PPP2R5C: variants seen among roughly 807,000 people sequenced by gnomAD.
PPP2R5C encodes the protein serine/threonine-protein phosphatase 2A 56 kDa regulatory subunit gamma isoform.
A neutral mutation model predicts 68.9 loss-of-function variants in PPP2R5C; 7 were observed. That is an observed-to-expected ratio of 0.10 (90% confidence interval 0.06 to 0.19). The LOEUF is 0.19. PPP2R5C is among the 10% of genes least tolerant of loss of function. The pLI, the probability that PPP2R5C is intolerant of heterozygous loss-of-function variation, is 1.00. For missense variants in PPP2R5C, 348 were observed against 641.3 expected (o/e 0.54, Z 4.94); for synonymous variants, 210 against 222.2 (o/e 0.95, Z 0.49).
intron 1 of PPP2R5C, among the ~76,000 whole-genome samples, chr14:101,850,964 C>T (rs771655399): frequency 3.8e-4 from 58 of 152,176 alleles, no homozygotes; most frequent in Non-Finnish European, 7.4e-4. Context: ...TGTTCCTACT[C>T]GTTTTGTACT....
intron 2 of PPP2R5C, chr14:101,765,377 T>TAATGA: frequency 1.6e-6 from 1 of 640,894 alleles, no homozygotes; most frequent in Non-Finnish European, 2.8e-6. Context: ...ATTGTTTTTT[T>TAATGA]TCCCCTCAGT....
chr14:101,895,768 TATTTGGATAC>T (rs1477888369), intron 8 of PPP2R5C, among the ~76,000 whole-genome samples: 1 of 152,240 alleles, frequency 6.6e-6, no homozygotes, highest in East Asian at 1.9e-4. Context: ...ATAATGCTGC[TATTTGGATAC>T]TGGTGTACAA....
intron 1 of PPP2R5C, chr14:101,819,313 G>A (rs2039906737): frequency 4.4e-6 from 2 of 455,662 alleles, no homozygotes; most frequent in South Asian, 7.2e-5. Flanking sequence ...TCACAGAGCT[G>A]CTTTCCAGGG....
chr14:101,798,010 C>T (rs1419393270), intron 3 of PPP2R5C, among the ~76,000 whole-genome samples: 1 of 152,054 alleles, frequency 6.6e-6, no homozygotes, highest in African/African-American at 2.4e-5. Flanking sequence ...TCCCTGGCAG[C>T]CTTTGAACAT....
chr14:101,765,400 G>C (rs1017672060), intron 2 of PPP2R5C: 1 of 619,206 alleles, frequency 1.6e-6, no homozygotes, highest in African/African-American at 1.8e-5. Flanking sequence ...TCAGCTCACT[G>C]CTTCACTTCT....
At chr14:101,843,778 T>G (rs530163184) in intron 1 of PPP2R5C, 1 of 226,914 alleles carries the variant, frequency 4.4e-6, no homozygotes, top group East Asian at 1.1e-4. Context: ...GGAACCTTGC[T>G]GCCACCTCCA....
In PPP2R5C at chr14:101,768,410, G is replaced by A. The variant is rs926036459; in HGVS notation, c.93+5440G>A. On this transcript the variant is annotated intron_variant, in intron 2 of 14. Transcript: ENST00000328724. ...ATTTAGTGAGTTATATCTATCTACC[G>A]ATATTTTTCCTTAGAAATTAAAGCT... 7.9e-5 allele frequency among the ~76,000 whole-genome samples: 12 copies of A among 151,970 alleles called. 1 individual carries two copies. Among genetic ancestry groups the A allele is most frequent in the Middle Eastern group, 3.2e-3 (1 of 316 alleles).
rs1047935934 is a variant in PPP2R5C at position 101,797,533 on chromosome 14, C to T, written c.259+11350C>T. On this transcript the variant is annotated intron_variant, in intron 3 of 14. Transcript: ENST00000328724. This position sits in a 1 kb window ranked among gnomAD's most constrained non-coding sequence, Gnocchi z 4.2. ...CCGAGATGGTTGTGGTGTCACCTCT[C>T]GTGGGGTGGCCAAAACCCCAGCCAG... 3 of 293,288 alleles carry T rather than the reference C, an allele frequency of 1.0e-5. No individual in the cohort carries two copies. Among genetic ancestry groups the T allele is most frequent in the South Asian group, 2.9e-5 (1 of 35,038 alleles). 18.2% of individuals were successfully genotyped at this position (293,288 alleles called of 1,614,324 possible). A position where few individuals can be genotyped will look rare whatever the true frequency, so the allele number is the denominator to read the frequency against.
intron 2 of PPP2R5C, among the ~76,000 whole-genome samples, chr14:101,767,759 G>C (rs2036933044): frequency 6.6e-6 from 1 of 152,184 alleles, no homozygotes; most frequent in Non-Finnish European, 1.5e-5. Flanking sequence ...GAGCCCAGGG[G>C]CATCAGAAAG....
upstream of PPP2R5C, among the ~76,000 whole-genome samples, chr14:101,809,552 C>CTTT (rs5811049): frequency 2.3e-4 from 21 of 92,914 alleles, no homozygotes; most frequent in African/African-American, 3.5e-4. Flanking sequence ...TATACACACA[C>CTTT]TTTTTTTTTT....
exon 14 of PPP2R5C, chr14:101,927,362 T>C (rs1314373990): frequency 6.6e-6 from 1 of 152,662 alleles, no homozygotes; most frequent in African/African-American, 2.4e-5. Flanking sequence ...GCAAGAGTAT[T>C]ACTTAATATT....
intron 10 of PPP2R5C, among the ~76,000 whole-genome samples, chr14:101,908,805 T>C (rs1172645996): frequency 6.6e-6 from 1 of 152,036 alleles, no homozygotes; most frequent in African/African-American, 2.4e-5. Context: ...TCCCCGCCCA[T>C]TGCAAAGAAA....
At chr14:101,881,302 A>G (rs1160776180) in intron 2 of PPP2R5C, among the ~76,000 whole-genome samples, 1 of 152,128 alleles carries the variant, frequency 6.6e-6, no homozygotes, top group Non-Finnish European at 1.5e-5. Flanking sequence ...CGGGAGGCTG[A>G]GGCACAAGAA....
intron 1 of PPP2R5C, among the ~76,000 whole-genome samples, chr14:101,837,816 T>TCA (rs1263719045): frequency 2.0e-5 from 3 of 152,350 alleles, no homozygotes; most frequent in Non-Finnish European, 4.4e-5. Flanking sequence ...CACTCACTCC[T>TCA]CACAGTCCCT....
At chr14:101,838,002 A>T (rs1274835801) in intron 1 of PPP2R5C, among the ~76,000 whole-genome samples, 2 of 152,238 alleles carry the variant, frequency 1.3e-5, no homozygotes, top group African/African-American at 4.8e-5. Context: ...AAATTAATGA[A>T]AAAATGAGAT....
chr14:101,763,866 T>G (rs943173289), intron 2 of PPP2R5C, among the ~76,000 whole-genome samples: 12 of 152,220 alleles, frequency 7.9e-5, no homozygotes, highest in Non-Finnish European at 1.6e-4. Flanking sequence ...CATCACCTTG[T>G]TTTCCTTCAA....
chr14:101,880,362 C>A (rs745734224), intron 2 of PPP2R5C, among the ~76,000 whole-genome samples: 1 of 152,152 alleles, frequency 6.6e-6, no homozygotes, highest in Non-Finnish European at 1.5e-5. Context: ...TTGGTCTTTA[C>A]GTCAGCTCCC....
chr14:101,760,738 G>A (rs2036454532), upstream of PPP2R5C: 7 of 873,452 alleles, frequency 8.0e-6, no homozygotes, highest in Middle Eastern at 5.6e-4. Flanking sequence ...TGAGGGGAGG[G>A]GCTGGTCGAG....
intron 2 of PPP2R5C, among the ~76,000 whole-genome samples, chr14:101,780,644 T>C (rs1233855771): frequency 1.3e-5 from 2 of 152,148 alleles, no homozygotes; most frequent in African/African-American, 4.8e-5. Context: ...AACACACTCC[T>C]CTCTCTCTTG....
Sources: allele counts gnomAD v4.1 joint callset (sites outside exome capture counted in the v4.1 genomes callset), GRCh38; gene constraint gnomAD v4.1.1; non-coding constraint Gnocchi (gnomAD v3.1); transcripts MANE v1.5; gene names NCBI Gene and HGNC (gene_info 2026-07-23, HGNC 2026-07-21).